NUP42: variants seen among roughly 807,000 people sequenced by gnomAD.
NUP42 encodes the protein nucleoporin 42, also known as nucleoporin NUP42.
A neutral mutation model predicts 35.9 loss-of-function variants in NUP42; 47 were observed. The observed-to-expected ratio is 1.31, with a 90% CI of 1.04 to 1.67. NUP42 has a LOEUF of 1.67. Among genes scored for constraint, NUP42 ranks in the 40% most tolerant of loss-of-function variants. NUP42 has a pLI of 0.00. For synonymous variants in NUP42, 173 were observed against 173.3 expected (o/e 1.00, Z 0.01); for missense variants, 514 against 492.2 (o/e 1.04, Z -0.42).
In NUP42 at chr7:23,187,599, C is replaced by CTTT. The variant is rs11446033; in HGVS notation, c.445+475_445+477dup. ...CTTAGCTGGGCTACAGGGATAGCAA[C>CTTT]TTTTTTTTTTTTTTTTTTTTTTTTG... On this transcript the variant is annotated intron_variant, in intron 3 of 6. Coordinates refer to ENST00000258742, the MANE Select transcript of NUP42 (RefSeq NM_007342.3). Among the ~76,000 whole-genome samples, 744 of 84,734 alleles carry CTTT rather than the reference C, an allele frequency of 8.8e-3. 13 individuals carry two copies. Among genetic ancestry groups the CTTT allele is most frequent in the African/African-American group, 0.015 (309 of 19,936 alleles). 55.6% of individuals were successfully genotyped at this position (84,734 alleles called of 152,430 possible).
At chr7:23,194,980 G>T (rs1332803582) in intron 3 of NUP42, 1 of 152,308 alleles carries the variant, frequency 6.6e-6, no homozygotes, top group Non-Finnish European at 1.5e-5. Flanking sequence ...GAGCCACCGT[G>T]CCCGGCCCTA....
chr7:23,188,169 A>G, intron 3 of NUP42: 1 of 1,294,610 alleles, frequency 7.7e-7, no homozygotes, highest in Admixed American at 4.0e-5. Context: ...ATATCGCAGA[A>G]CCTTGGGATC....
In NUP42 at chr7:23,200,663, A is replaced by T; in HGVS notation, c.1190A>T (p.Glu397Val). 6.2e-7 allele frequency: 1 copy of T among 1,613,152 alleles called. No homozygotes were observed. Among genetic ancestry groups the T allele is most frequent in the Non-Finnish European group, 8.5e-7 (1 of 1,179,718 alleles). ...CCCAGAGATAAACTAACAGTAGAAG[A>T]ACTGGAACAATTTCAATCCAAGAAA... is the stretch of plus-strand genomic sequence containing the variant. ...FTPRDKLTVEELEQFQSKKFT... is the reference protein window; with the variant it reads ...FTPRDKLTVEVLEQFQSKKFT... The change falls in exon 7 of 7, where the codon GAA becomes GTA. Residue 397 changes from glutamate (E) to valine (V), a missense_variant. By Grantham distance (121) the Glu-to-Val change is moderately radical. Coordinates refer to ENST00000258742, the MANE Select transcript of NUP42 (RefSeq NM_007342.3).
At chr7:23,183,703 A>G (rs1785493250) in intron 1 of NUP42, among the ~76,000 whole-genome samples, 1 of 150,882 alleles carries the variant, frequency 6.6e-6, no homozygotes, top group Admixed American at 6.6e-5. Flanking sequence ...TTTAGCTCCC[A>G]GAAACAAATG....
intron 3 of NUP42, 185 bp downstream of exon 3, chr7:23,187,331 G>A: frequency 2.0e-6 from 1 of 504,520 alleles, no homozygotes; most frequent in Non-Finnish European, 3.5e-6. Flanking sequence ...GGAGAATATA[G>A]TCTTTTAAGA....
At chr7:23,192,916 G>A (rs7782276) in intron 3 of NUP42, among the ~76,000 whole-genome samples, 2,232 of 152,290 alleles carry the variant, frequency 0.015, 39 homozygotes, top group African/African-American at 0.045. Context: ...ACGGACCCTC[G>A]CGGTGAGTGT....
chr7:23,195,717 C>A (rs1263047609), intron 3 of NUP42, 122 bp from the exon 4 acceptor site: 7 of 629,744 alleles, frequency 1.1e-5, no homozygotes, highest in Non-Finnish European at 1.9e-5. Context: ...CTTTAAGTTT[C>A]TTCCTCATGG....
intron 6 of NUP42, among the ~76,000 whole-genome samples, 189 bp from the exon 7 acceptor site, chr7:23,199,979 A>C (rs1786153517): frequency 6.6e-6 from 1 of 152,198 alleles, no homozygotes; most frequent in Admixed American, 6.5e-5. Flanking sequence ...CAGAAAAGAC[A>C]GGCAGCAGGC....
At chr7:23,193,511 G>T (rs1785887793) in intron 3 of NUP42, among the ~76,000 whole-genome samples, 2 of 152,140 alleles carry the variant, frequency 1.3e-5, no homozygotes, top group African/African-American at 2.4e-5. Flanking sequence ...GTGTTGATTG[G>T]TGTATTTACA....
intron 2 of NUP42, 129 bp from the exon 3 acceptor site, chr7:23,186,921 ACT>A (rs1785613849): frequency 1.7e-6 from 1 of 603,576 alleles, no homozygotes; most frequent in Non-Finnish European, 2.9e-6. Flanking sequence ...TTTAAAGAAC[ACT>A]CTTCAGAAAA....
In NUP42 at chr7:23,196,715, G is replaced by T; in HGVS notation, c.558G>T (p.Arg186Ser). ...NSVQRLINQW[R>S]NRVNELKSLN... ...TCCAACGTTTAATAAATCAATGGAG[G>T]AACAGGGTAAATGAACTGAAAAGTC... is the stretch of plus-strand genomic sequence containing the variant. Residue 186 changes from arginine (R) to serine (S), a missense_variant, in exon 5 of 7, where the codon AGG becomes AGT. Physicochemically the swap from Arg to Ser is moderately radical, Grantham distance 110 (BLOSUM62 -1). Coordinates refer to ENST00000258742, the MANE Select transcript of NUP42 (RefSeq NM_007342.3). The T allele has an allele frequency of 6.2e-7, 1 of 1,612,610 alleles. No homozygotes were observed. The highest frequency in any genetic ancestry group is 1.1e-5 in the South Asian group (1 of 90,986).
Position 23,200,863 on chromosome 7 carries a change from G to A in NUP42, c.*118G>A. 1.9e-6 allele frequency: 1 copy of A among 513,320 alleles called. No individual in the cohort carries two copies. The highest frequency in any genetic ancestry group is 3.0e-6 in the Non-Finnish European group (1 of 329,528). 31.8% of individuals were successfully genotyped at this position (513,320 alleles called of 1,614,324 possible). A position where few individuals can be genotyped will look rare whatever the true frequency, so the allele number is the denominator to read the frequency against. On this transcript the variant is annotated 3_prime_UTR_variant, in exon 7 of 7. Transcript: ENST00000258742. ...TAAGGAATATAAGCTTCCATCAATA[G>A]TGATTTTAAATTTGATTTTTTTCTT...
In NUP42 at chr7:23,185,155, G is replaced by C. The variant is rs532277781; in HGVS notation, c.207G>C (p.Trp69Cys). 56 of 1,614,108 alleles carry C rather than the reference G, an allele frequency of 3.5e-5. No individual in the cohort carries two copies. The highest frequency in any genetic ancestry group is 1.7e-4 in the Admixed American group (10 of 60,010). ...QPSSFSKSTP[W>C]GGSRDQEKPY... is the part of the protein sequence containing the mutation. ...CCAGTTTCTCCAAATCCACACCATG[G>C]GGGGGCAGCAGAGATCAAGAAAAGC... Residue 69 changes from tryptophan (W) to cysteine (C), a missense_variant, in exon 2 of 7, where the codon TGG becomes TGC. Trp to Cys is a radical substitution (Grantham distance 215). Transcript: ENST00000258742.
In NUP42 at chr7:23,200,908, A is replaced by G; in HGVS notation, c.*163A>G. ...TTTCTTAACTCTAAATATTTAAGTA[A>G]AAAGTAACAAAAACTCTGCAAGCAA... On this transcript the variant is annotated 3_prime_UTR_variant, in exon 7 of 7. Transcript: ENST00000258742. 2.4e-6 allele frequency: 1 copy of G among 411,358 alleles called. No individual in the cohort carries two copies. The highest frequency in any genetic ancestry group is 1.1e-4 in the South Asian group (1 of 9,514). 25.5% of individuals were successfully genotyped at this position (411,358 alleles called of 1,614,324 possible). A position where few individuals can be genotyped will look rare whatever the true frequency, so the allele number is the denominator to read the frequency against.
At chr7:23,185,328 T>A (rs1281576072) in intron 2 of NUP42, 30 bp downstream of exon 2, 1 of 1,452,216 alleles carries the variant, frequency 6.9e-7, no homozygotes, top group East Asian at 2.3e-5. Context: ...AAAATTACTA[T>A]CCATTTGCTT....
intron 3 of NUP42, among the ~76,000 whole-genome samples, chr7:23,191,627 A>G (rs1296056559): frequency 6.6e-6 from 1 of 152,236 alleles, no homozygotes; most frequent in East Asian, 1.9e-4. Context: ...ATTACAAGGA[A>G]TTCTTTGTAG....
Position 23,196,687 on chromosome 7 carries a change from C to T in NUP42, c.530C>T (p.Ser177Phe), listed in dbSNP as rs535306272. Residue 177 changes from serine (S) to phenylalanine (F), a missense_variant, in exon 5 of 7, where the codon TCT becomes TTT. Transcript: ENST00000258742. ...TSNNLQSYLN[S>F]VQRLINQWRN... ...TCTGTCTTCCGTTTTCAGCTAAATT[C>T]TGTCCAACGTTTAATAAATCAATGG... 9.3e-6 allele frequency: 15 copies of T among 1,608,282 alleles called. No homozygotes were observed. Among genetic ancestry groups the T allele is most frequent in the Non-Finnish European group, 1.3e-5 (15 of 1,175,466 alleles).
Position 23,200,294 on chromosome 7 carries a change from C to T in NUP42, c.821C>T (p.Ala274Val). The T allele has an allele frequency of 1.9e-6, 3 of 1,602,140 alleles. No individual in the cohort carries two copies. The highest frequency in any genetic ancestry group is 2.6e-6 in the Non-Finnish European group (3 of 1,172,592). Reference sequence around the variant, plus strand: ...GGGAGTTCCCCAGCATTTGGAGCTGCAGCCTCTACCAGTTCAGGTATCTCT... The same window carrying T: ...GGGAGTTCCCCAGCATTTGGAGCTGTAGCCTCTACCAGTTCAGGTATCTCT... The part of the protein sequence containing the change: ...GFGSSPAFGA[A>V]ASTSSGISTS... The change falls in exon 7 of 7, where the codon GCA becomes GTA. Residue 274 changes from alanine (A) to valine (V), a missense_variant. Transcript: ENST00000258742.
At chr7:23,198,028 C>T (rs1239060100) in intron 5 of NUP42, among the ~76,000 whole-genome samples, 1 of 151,882 alleles carries the variant, frequency 6.6e-6, no homozygotes, top group Non-Finnish European at 1.5e-5. Flanking sequence ...GCAGGCGGAT[C>T]ACAAGGTCAG....
Sources: allele counts gnomAD v4.1 joint callset (sites outside exome capture counted in the v4.1 genomes callset), GRCh38; gene constraint gnomAD v4.1.1; transcripts MANE v1.5; gene names NCBI Gene and HGNC (gene_info 2026-07-23, HGNC 2026-07-21).